Variants in STAT4 observed in about 807,000 individuals in gnomAD.
The protein encoded by STAT4 is signal transducer and activator of transcription 4.
In STAT4, 42 loss-of-function variants were observed where a neutral mutation model predicts 110.5. The ratio of observed to expected loss-of-function variants is 0.38; its 90% CI spans 0.30 to 0.49. The LOEUF (loss-of-function observed/expected upper bound fraction) is 0.49. Ranked by LOEUF, STAT4 falls within the 20% of genes least tolerant of loss-of-function variation. STAT4 has a pLI of 0.95. For synonymous variants in STAT4, 284 were observed against 302.2 expected, an observed-to-expected ratio of 0.94 and a Z score of 0.63; for missense variants, 632 against 887.9, an observed-to-expected ratio of 0.71 and a Z score of 3.66.
chr2:191,122,248 C>T (rs1196755235), intron 3 of STAT4, among the ~76,000 whole-genome samples: 1 of 149,094 alleles, frequency 6.7e-6, no homozygotes, highest in Non-Finnish European at 1.5e-5. Flanking sequence ...ATAAAATTCT[C>T]AACATTATTA....
intron 3 of STAT4, among the ~76,000 whole-genome samples, chr2:191,145,441 C>A (rs765349357): frequency 6.6e-6 from 1 of 152,162 alleles, no homozygotes; most frequent in Non-Finnish European, 1.5e-5. Flanking sequence ...TGCCAATCCC[C>A]ATTTTAGGTT....
At position 191,107,641 on chromosome 2, in the gene STAT4, C is replaced by G. The variant is rs1317687417; in HGVS notation, c.274-31316G>C. 6.6e-6 allele frequency among the ~76,000 whole-genome samples: 1 copy of G among 152,168 alleles called. No homozygotes were observed. The highest frequency in any genetic ancestry group is 2.4e-5 in the African/African-American group (1 of 41,444). ...ATGCTATTACCCTTAAATTCTGTGT[C>G]CATCTTTTGGTTTTGATATAGTGTT... On this transcript the variant is annotated intron_variant, in intron 3 of 23. Coordinates refer to ENST00000392320, the MANE Select transcript of STAT4 (RefSeq NM_003151.4). This position sits in a 1 kb window ranked among gnomAD's most constrained non-coding sequence, Gnocchi z 4.2.
At chr2:191,145,382 T>C (rs891045298) in intron 3 of STAT4, among the ~76,000 whole-genome samples, 2 of 152,240 alleles carry the variant, frequency 1.3e-5, no homozygotes, top group African/African-American at 2.4e-5. Flanking sequence ...TTCTTAGTCA[T>C]GGGCCATATG....
intron 3 of STAT4, among the ~76,000 whole-genome samples, chr2:191,121,649 T>C (rs1419431884): frequency 6.6e-6 from 1 of 151,958 alleles, no homozygotes; most frequent in African/African-American, 2.4e-5. Context: ...GAAACCATCA[T>C]TCTCAGCAAA....
At position 191,034,109 on chromosome 2, in the gene STAT4, A is replaced by G; in HGVS notation, c.1621-104T>C. 1.2e-5 allele frequency: 10 copies of G among 808,520 alleles called. No homozygotes were observed. In the South Asian group the frequency reaches 1.8e-4, roughly 14 times the overall value. The allele number at this position is 808,520 out of a possible 1,614,324, so 50.1% of individuals were successfully genotyped here. The stretch of plus-strand genomic sequence containing the variant: ...CACCAAAATATTATCTTTAAACTGG[A>G]CAACACCTTAATTTCTTTAAAAAAT... On this transcript the variant is annotated intron_variant, in intron 18 of 23. Transcript: ENST00000392320.
In STAT4 at chr2:191,032,809, C is replaced by T. The variant is rs1695937196; in HGVS notation, c.2044+149G>A. On this transcript the variant is annotated intron_variant, in intron 21 of 23. Transcript: ENST00000392320. This position sits in a 1 kb window ranked among gnomAD's most constrained non-coding sequence, Gnocchi z 4.9. The stretch of plus-strand genomic sequence containing the variant: ...TTCAGGAACTGCTGACATACCACTT[C>T]ATTTCTAAGGCTTTGACCTCCACAT... The T allele has an allele frequency of 2.5e-6, 2 of 789,930 alleles. No homozygotes were observed. Among genetic ancestry groups the T allele is most frequent in the East Asian group, 5.6e-5 (2 of 35,844 alleles). The allele number at this position is 789,930 out of a possible 1,614,324, so 48.9% of individuals were successfully genotyped here.
chr2:191,070,403 G>T (rs1356715192), intron 5 of STAT4, among the ~76,000 whole-genome samples: 1 of 152,004 alleles, frequency 6.6e-6, no homozygotes, highest in East Asian at 1.9e-4. Flanking sequence ...CATGAAGTGG[G>T]TTATCCTCAC....
intron 3 of STAT4, among the ~76,000 whole-genome samples, chr2:191,080,931 T>G (rs752359902): frequency 1.3e-5 from 2 of 152,276 alleles, no homozygotes; most frequent in East Asian, 3.9e-4. Context: ...CCATGATGGT[T>G]TGCTGCACTC....
Position 191,146,003 on chromosome 2 carries a change from G to A in STAT4, c.273+610C>T, listed in dbSNP as rs1433178282. ...TGCTGGGTGCTGGAAATTCAAAGTT[G>A]AACACTAAAGTCCTTGCCTCAAGGA... On this transcript the variant is annotated intron_variant, in intron 3 of 23. Coordinates refer to ENST00000392320, the MANE Select transcript of STAT4 (RefSeq NM_003151.4). This position sits in a 1 kb window ranked among gnomAD's most constrained non-coding sequence, Gnocchi z 4.5. 2.6e-5 allele frequency among the ~76,000 whole-genome samples: 4 copies of A among 152,138 alleles called. No homozygotes were observed. The highest frequency in any genetic ancestry group is 9.7e-5 in the African/African-American group (4 of 41,424).
Position 191,112,133 on chromosome 2 carries a change from T to C in STAT4, c.273+34480A>G, listed in dbSNP as rs1574166332. On this transcript the variant is annotated intron_variant, in intron 3 of 23. Transcript: ENST00000392320. This position sits in a 1 kb window ranked among gnomAD's most constrained non-coding sequence, Gnocchi z 4.3. The stretch of plus-strand genomic sequence containing the variant: ...GTACACTTTAAATATATATATATTG[T>C]ATGTCATTATACCTCTGTAAGGTTG... Among the ~76,000 whole-genome samples the C allele has an allele frequency of 6.6e-6, 1 of 152,234 alleles. No homozygotes were observed. Among genetic ancestry groups the C allele is most frequent in the African/African-American group, 2.4e-5 (1 of 41,470 alleles).
chr2:191,053,393 A>G lies in STAT4; in HGVS notation c.1251+1097T>C, dbSNP rs1042712532. Reference sequence around the variant, plus strand: ...TTCATTTGCCAAACGTCACATTTTCAGGCCCTGGCAGAGCATGTACTCAAA... The same window carrying G: ...TTCATTTGCCAAACGTCACATTTTCGGGCCCTGGCAGAGCATGTACTCAAA... On this transcript the variant is annotated intron_variant, in intron 14 of 23. Transcript: ENST00000392320. This position sits in a 1 kb window ranked among gnomAD's most constrained non-coding sequence, Gnocchi z 4.5. Among the ~76,000 whole-genome samples, 1 of 152,182 alleles carries G rather than the reference A, an allele frequency of 6.6e-6. No homozygotes were observed. The highest frequency in any genetic ancestry group is 2.4e-5 in the African/African-American group (1 of 41,442).
In STAT4 at chr2:191,058,487, T is replaced by C. The variant is rs1696764510; in HGVS notation, c.1094+223A>G. On this transcript the variant is annotated intron_variant, in intron 11 of 23. Coordinates refer to ENST00000392320, the MANE Select transcript of STAT4 (RefSeq NM_003151.4). The surrounding 1 kb of genome is among the most constrained non-coding windows in gnomAD (Gnocchi z 4.3). The stretch of plus-strand genomic sequence containing the variant: ...CTCTATGATACTTTAAAGGATAGTA[T>C]ATAAAATTGATTTCAAGTTTTTATA... 6.6e-6 allele frequency among the ~76,000 whole-genome samples: 1 copy of C among 152,196 alleles called. No individual in the cohort carries two copies. The highest frequency in any genetic ancestry group is 2.1e-4 in the South Asian group (1 of 4,832).
rs35067237 is a variant in STAT4, at chr2:191,046,017, C to A, written c.1252-4869G>T. 6.6e-6 allele frequency among the ~76,000 whole-genome samples: 1 copy of A among 152,054 alleles called. No individual in the cohort carries two copies. Among genetic ancestry groups the A allele is most frequent in the Non-Finnish European group, 1.5e-5 (1 of 68,006 alleles). ...GGCACCAAGAAGGTGTATTTTTGAA[C>A]AATAGAAAATCTCACTGCCCACTAG... On this transcript the variant is annotated intron_variant, in intron 14 of 23. Coordinates refer to ENST00000392320, the MANE Select transcript of STAT4 (RefSeq NM_003151.4). The surrounding 1 kb of genome is among the most constrained non-coding windows in gnomAD (Gnocchi z 4.6).
In STAT4 at chr2:191,054,476, A is replaced by G. The variant is rs748482241; in HGVS notation, c.1251+14T>C. ...TGTTTCCAGAAAAATTCTATAGGAG[A>G]AAACATTTCCTACCTCATTTCCTTT... is the stretch of plus-strand genomic sequence containing the variant. On this transcript the variant is annotated intron_variant, in intron 14 of 23. Coordinates refer to ENST00000392320, the MANE Select transcript of STAT4 (RefSeq NM_003151.4). 2 of 1,606,914 alleles carry G rather than the reference A, an allele frequency of 1.2e-6. No individual in the cohort carries two copies. Among genetic ancestry groups the G allele is most frequent in the Non-Finnish European group, 1.7e-6 (2 of 1,177,650 alleles).
chr2:191,054,045 T>C (rs114253964), intron 14 of STAT4, among the ~76,000 whole-genome samples: 4,165 of 151,526 alleles, frequency 0.027, 193 homozygotes, highest in African/African-American at 0.096. Context: ...GGAGGTTCAC[T>C]TGAGCCTGGG....
chr2:191,075,945 G>A (rs1697305634), intron 4 of STAT4: 1 of 279,772 alleles, frequency 3.6e-6, no homozygotes, highest in Admixed American at 4.6e-5. Context: ...TGAACTGCTG[G>A]GCTCAAGTGA....
rs1696268293 is a variant in STAT4 at position 191,043,626 on chromosome 2, A to G, written c.1252-2478T>C. Among the ~76,000 whole-genome samples the G allele has an allele frequency of 6.6e-6, 1 of 152,110 alleles. No individual in the cohort carries two copies. The highest frequency in any genetic ancestry group is 1.5e-5 in the Non-Finnish European group (1 of 68,026). Reference sequence around the variant, plus strand: ...AAGATTTTTTGCACTCATTAAAAAAAAAAGACATGTAGAAGAATGTTAATT... The same window carrying G: ...AAGATTTTTTGCACTCATTAAAAAAGAAAGACATGTAGAAGAATGTTAATT... On this transcript the variant is annotated intron_variant, in intron 14 of 23. Transcript: ENST00000392320. This position sits in a 1 kb window ranked among gnomAD's most constrained non-coding sequence, Gnocchi z 4.8.
At position 191,030,732 on chromosome 2, in the gene STAT4, G is replaced by A. The variant is rs764613110; in HGVS notation, c.2220+240C>T. 14 of 417,346 alleles carry A rather than the reference G, an allele frequency of 3.4e-5. No individual in the cohort carries two copies. Among genetic ancestry groups the A allele is most frequent in the South Asian group, 2.3e-4 (9 of 39,616 alleles). 25.9% of individuals were successfully genotyped at this position (417,346 alleles called of 1,614,324 possible). ...GGGTATAGGAATATTTTGCCCTCTGGTGGTTTCTGGTGGAAACAACGTAAA... is the reference window on the plus strand; with the variant it reads ...GGGTATAGGAATATTTTGCCCTCTGATGGTTTCTGGTGGAAACAACGTAAA... On this transcript the variant is annotated intron_variant, in intron 23 of 23. Transcript: ENST00000392320. The surrounding 1 kb of genome is among the most constrained non-coding windows in gnomAD (Gnocchi z 4.4).
At chr2:191,048,850 C>G (rs1346568503) in intron 14 of STAT4, among the ~76,000 whole-genome samples, 1 of 142,412 alleles carries the variant, frequency 7.0e-6, no homozygotes, top group African/African-American at 2.5e-5. Context: ...TCAAAGCCAT[C>G]CTAATCATCC....
Sources: gnomAD v4.1 joint callset for allele counts (sites outside exome capture counted in the v4.1 genomes callset) on GRCh38, gnomAD v4.1.1 for gene constraint, Gnocchi (gnomAD v3.1) non-coding constraint, MANE v1.5 for transcripts, NCBI Gene and HGNC (gene_info 2026-07-23, HGNC 2026-07-21) for gene names.